Variants in BEND5 observed in about 807,000 individuals in gnomAD.
The protein encoded by BEND5 is BEN domain-containing protein 5.
A neutral mutation model predicts 43.9 loss-of-function variants in BEND5; 22 were observed. That is an observed-to-expected ratio of 0.50 (90% CI 0.36 to 0.72). BEND5 has a LOEUF of 0.72. Ranked by LOEUF, BEND5 falls within the 30% of genes least tolerant of loss-of-function variation. The pLI is 0.00. For missense variants in BEND5, 428 were observed against 550.6 expected, an observed-to-expected ratio of 0.78 and a Z score of 2.23; for synonymous variants, 228 against 225.9, an observed-to-expected ratio of 1.01 and a Z score of -0.08.
Position 48,759,063 on chromosome 1 carries a change from C to G in BEND5, c.582G>C (p.Gln194His), listed in dbSNP as rs942566888. 9 of 1,613,540 alleles carry G rather than the reference C, an allele frequency of 5.6e-6. No individual in the cohort carries two copies. Among genetic ancestry groups the G allele is most frequent in the Non-Finnish European group, 7.6e-6 (9 of 1,179,806 alleles). The change falls in exon 3 of 6, where the codon CAG (glutamine) becomes CAC (histidine). Residue 194 changes from glutamine to histidine, a missense_variant. Physicochemically the swap from Gln to His is conservative, Grantham distance 24 (BLOSUM62 0). This residue lies in a region of BEND5 where 243 missense variants were observed against 286.4 expected (regional missense o/e 0.85). Transcript: ENST00000371833. ...CCTGCTGGAGGTGGCGCATCTCTTC[C>G]TGTTGCTGCTGGTAGTTGCGCAGCA... Reference protein sequence around the residue: ...EELLRNYQQQQEEMRHLQQEL... With the variant: ...EELLRNYQQQHEEMRHLQQEL...
chr1:48,770,656 T>C (rs1478905159), intron 1 of BEND5, among the ~76,000 whole-genome samples: 1 of 152,198 alleles, frequency 6.6e-6, no homozygotes, highest in African/African-American at 2.4e-5. Flanking sequence ...TCCACCCAGA[T>C]GTTCCATGGG....
At chr1:48,731,237 G>C (rs1425221273) in intron 5 of BEND5, among the ~76,000 whole-genome samples, 2 of 151,978 alleles carry the variant, frequency 1.3e-5, no homozygotes, top group Admixed American at 6.5e-5. Flanking sequence ...TATATTGTGG[G>C]ATAGGAGACA....
rs12066261 is a variant in BEND5 at position 48,771,376 on chromosome 1, C to T, written c.226+5230G>A. Among the ~76,000 whole-genome samples, 322 of 152,266 alleles carry T rather than the reference C, an allele frequency of 2.1e-3. 5 individuals are homozygous for T. Among genetic ancestry groups the T allele is most frequent in the African/African-American group, 7.0e-3 (292 of 41,558 alleles). On this transcript the variant is annotated intron_variant, in intron 1 of 5. Coordinates refer to ENST00000371833, the MANE Select transcript of BEND5 (RefSeq NM_024603.4). ...TAAAAACTGGTGTGCTCTTGAACAG[C>T]AAAACACCACATAAAAAGCAACTTG...
chr1:48,733,506 A>G (rs1022205954), intron 5 of BEND5, among the ~76,000 whole-genome samples: 13 of 152,218 alleles, frequency 8.5e-5, no homozygotes, highest in Non-Finnish European at 2.9e-5. Context: ...AAAAGTAAAA[A>G]AATTTAAAAA....
intron 3 of BEND5, among the ~76,000 whole-genome samples, chr1:48,747,443 A>G (rs1421748969): frequency 3.3e-5 from 5 of 152,218 alleles, no homozygotes; most frequent in Admixed American, 6.5e-5. Flanking sequence ...CTGACTGCAT[A>G]TCAAGATCTA....
At chr1:48,742,532 G>A in intron 4 of BEND5, 91 bp downstream of exon 4, 1 of 1,284,016 alleles carries the variant, frequency 7.8e-7, no homozygotes, top group Non-Finnish European at 1.0e-6. Flanking sequence ...AACCAGTCAA[G>A]CTGCGATTTG....
chr1:48,743,108 G>A (rs1650181041), intron 3 of BEND5, among the ~76,000 whole-genome samples: 2 of 152,092 alleles, frequency 1.3e-5, no homozygotes, highest in Non-Finnish European at 2.9e-5. Flanking sequence ...AGAAGGGGTG[G>A]GAATTACTGA....
chr1:48,745,811 C>G (rs1335945323), intron 3 of BEND5, among the ~76,000 whole-genome samples: 1 of 152,154 alleles, frequency 6.6e-6, no homozygotes, highest in African/African-American at 2.4e-5. Flanking sequence ...GTTTAGTTGA[C>G]TTGTGACCTT....
At chr1:48,757,412 C>T (rs1348073224) in intron 3 of BEND5, among the ~76,000 whole-genome samples, 2 of 152,164 alleles carry the variant, frequency 1.3e-5, no homozygotes, top group Admixed American at 1.3e-4. Context: ...AAACCATATG[C>T]GACTTTTCGT....
In BEND5 at chr1:48,734,553, C is replaced by A. The variant is rs368471169; in HGVS notation, c.1108+1686G>T. Among the ~76,000 whole-genome samples the A allele has an allele frequency of 2.6e-5, 4 of 152,308 alleles. No homozygotes were observed. In the East Asian group the frequency reaches 7.7e-4, roughly 29 times the overall value. ...TTCCCAGCCCTACAAGACAGGCTCTCGCCCACCTCCCTGACCTCACTCTTC... is the reference window on the plus strand; with the variant it reads ...TTCCCAGCCCTACAAGACAGGCTCTAGCCCACCTCCCTGACCTCACTCTTC... On this transcript the variant is annotated intron_variant, in intron 5 of 5. Coordinates refer to ENST00000371833, the MANE Select transcript of BEND5 (RefSeq NM_024603.4).
intron 1 of BEND5, among the ~76,000 whole-genome samples, chr1:48,765,295 C>T (rs927065493): frequency 6.6e-6 from 1 of 152,170 alleles, no homozygotes; most frequent in African/African-American, 2.4e-5. Flanking sequence ...AAACAGGCTA[C>T]ACCAATGAGT....
chr1:48,756,895 T>C (rs1031374088), intron 3 of BEND5, among the ~76,000 whole-genome samples: 3 of 152,184 alleles, frequency 2.0e-5, no homozygotes, highest in African/African-American at 4.8e-5. Context: ...GTGACTCAGA[T>C]CAGGGAAGAG....
intron 2 of BEND5, among the ~76,000 whole-genome samples, chr1:48,760,725 T>C (rs909388878): frequency 1.3e-5 from 2 of 152,040 alleles, no homozygotes; most frequent in African/African-American, 4.8e-5. Context: ...GCAGAAGACA[T>C]CCCACTTCCT....
rs1404060980 is a variant in BEND5, at chr1:48,750,181, C to T, written c.746-7410G>A. 4.6e-5 allele frequency among the ~76,000 whole-genome samples: 7 copies of T among 152,268 alleles called. No individual in the cohort carries two copies. The East Asian group carries it at 1.2e-3, about 25-fold the overall frequency. On this transcript the variant is annotated intron_variant, in intron 3 of 5. Coordinates refer to ENST00000371833, the MANE Select transcript of BEND5 (RefSeq NM_024603.4). Reference sequence around the variant, plus strand: ...TGGCTGTTGATTGATTTGCCTGACTCAGAGGAAAATAGCAACTCAGGAGTT... The same window carrying T: ...TGGCTGTTGATTGATTTGCCTGACTTAGAGGAAAATAGCAACTCAGGAGTT...
At position 48,776,590 on chromosome 1, in the gene BEND5, C is replaced by T; in HGVS notation, c.226+16G>A. 1 of 1,418,660 alleles carries T rather than the reference C, an allele frequency of 7.0e-7. No individual in the cohort carries two copies. The highest frequency in any genetic ancestry group is 3.4e-5 in the Admixed American group (1 of 29,212). 87.9% of individuals were successfully genotyped at this position (1,418,660 alleles called of 1,614,324 possible). A position where few individuals can be genotyped will look rare whatever the true frequency, so the allele number is the denominator to read the frequency against. ...CCCGCCCGGGTCCCACCGTCCCTCC[C>T]CGCCCGCTTGCTCACCTGCCAGCGC... is the stretch of plus-strand genomic sequence containing the variant. On this transcript the variant is annotated intron_variant, in intron 1 of 5. Coordinates refer to ENST00000371833, the MANE Select transcript of BEND5 (RefSeq NM_024603.4).
chr1:48,745,619 C>A, intron 3 of BEND5, among the ~76,000 whole-genome samples: 1 of 152,236 alleles, frequency 6.6e-6, no homozygotes, highest in South Asian at 2.1e-4. Flanking sequence ...AACATTCTAC[C>A]CCTAGAGATG....
intron 3 of BEND5, among the ~76,000 whole-genome samples, chr1:48,754,806 G>A (rs1030410376): frequency 6.6e-6 from 1 of 152,116 alleles, no homozygotes; most frequent in Non-Finnish European, 1.5e-5. Context: ...AAAGGGGATG[G>A]AGGAGACACC....
At chr1:48,761,930 T>C (rs1349691005) in intron 1 of BEND5, among the ~76,000 whole-genome samples, 2 of 152,162 alleles carry the variant, frequency 1.3e-5, no homozygotes, top group Non-Finnish European at 2.9e-5. Context: ...AGAGAGCTTA[T>C]AGCTGATAGG....
intron 1 of BEND5, among the ~76,000 whole-genome samples, chr1:48,772,761 T>C (rs1424172715): frequency 2.6e-5 from 4 of 152,168 alleles, no homozygotes; most frequent in African/African-American, 7.2e-5. Flanking sequence ...ACTGCTTCAA[T>C]AGTTTAGATA....
Sources: gnomAD v4.1 joint callset for allele counts (sites outside exome capture counted in the v4.1 genomes callset) on GRCh38, gnomAD v4.1.1 for gene constraint, gnomAD v4.1.1 regional missense constraint, MANE v1.5 for transcripts, NCBI Gene and HGNC (gene_info 2026-07-23, HGNC 2026-07-21) for gene names.